CCNJL: variants seen among roughly 807,000 people sequenced by gnomAD.
The protein encoded by CCNJL is cyclin-J-like protein.
In CCNJL, 33 loss-of-function variants were observed where a neutral mutation model predicts 33.4. The ratio of observed to expected loss-of-function variants is 0.99; its 90% confidence interval spans 0.75 to 1.32. The LOEUF (loss-of-function observed/expected upper bound fraction) is 1.32, where lower values mean the gene tolerates loss of function less well. Ranked by LOEUF, CCNJL falls within the 40% of genes most tolerant of loss-of-function variation. CCNJL has a pLI of 0.00. For synonymous variants in CCNJL, 227 were observed against 220.9 expected, an observed-to-expected ratio of 1.03 and a Z score of -0.24; for missense variants, 512 against 499.7, an observed-to-expected ratio of 1.02 and a Z score of -0.23.
intron 3 of CCNJL, among the ~76,000 whole-genome samples, chr5:160,267,658 A>C (rs1055796558): frequency 6.6e-6 from 1 of 152,180 alleles, no homozygotes; most frequent in Non-Finnish European, 1.5e-5. Context: ...GTGTCAGGCT[A>C]GTTTCAGCTT....
intron 2 of CCNJL, among the ~76,000 whole-genome samples, chr5:160,292,811 T>A (rs1470743504): frequency 6.6e-6 from 1 of 152,198 alleles, no homozygotes; most frequent in African/African-American, 2.4e-5. Flanking sequence ...CCACAAAGAT[T>A]GGAAGCTTCA....
At position 160,255,573 on chromosome 5, in the gene CCNJL, C is replaced by T. The variant is rs1761024497; in HGVS notation, c.719G>A (p.Ser240Asn). 1 of 1,614,060 alleles carries T rather than the reference C, an allele frequency of 6.2e-7. No homozygotes were observed. Among genetic ancestry groups the T allele is most frequent in the Non-Finnish European group, 8.5e-7 (1 of 1,180,008 alleles). Residue 240 changes from serine to asparagine, a missense_variant, in exon 5 of 6, where the codon AGC (serine) becomes AAC (asparagine). Ser to Asn is a conservative substitution (Grantham distance 46). Transcript: ENST00000257536. ...RISSYSLEHL[S>N]TCIEILLVVY... ...CACCAGCAGGATTTCAATACACGTG[C>T]TGAGGTGCTCCAGGGAATAGCTTGA...
chr5:160,326,712 GC>G, intron 1 of CCNJL: 1 of 915,786 alleles, frequency 1.1e-6, no homozygotes. Context: ...CATGGCCAGG[GC>G]CAGAAAGTGC....
At chr5:160,320,829 CT>C (rs374598149) in intron 1 of CCNJL, among the ~76,000 whole-genome samples, 1 of 119,642 alleles carries the variant, frequency 8.4e-6, no homozygotes, top group Non-Finnish European at 1.8e-5. Flanking sequence ...TTCTTTCTTT[CT>C]TTCTTTCTTT....
At chr5:160,332,723 AG>A (rs1389781411) in intron 1 of CCNJL, among the ~76,000 whole-genome samples, 1 of 151,574 alleles carries the variant, frequency 6.6e-6, no homozygotes, top group African/African-American at 2.4e-5. Flanking sequence ...TCATCTTAGC[AG>A]GGGGGCTTTT....
At chr5:160,309,504 T>C (rs916401327) in intron 2 of CCNJL, among the ~76,000 whole-genome samples, 10 of 152,200 alleles carry the variant, frequency 6.6e-5, no homozygotes, top group African/African-American at 2.4e-4. Context: ...TGTGCCACGC[T>C]CTTGTAAAGT....
rs370825602 is a variant in CCNJL, at chr5:160,294,551, A to G, written c.67-13813T>C. Among the ~76,000 whole-genome samples, 3 of 152,338 alleles carry G rather than the reference A, an allele frequency of 2.0e-5. No homozygotes were observed. The South Asian group carries it at 6.2e-4, about 32-fold the overall frequency. ...CAGGCCCAGCCACAGCTGCCAGGGC[A>G]TCCACAGTGACCACACACATGCGTG... On this transcript the variant is annotated intron_variant, in intron 2 of 5. Coordinates refer to ENST00000257536, the MANE Select transcript of CCNJL (RefSeq NM_001308173.3).
At chr5:160,271,146 T>C (rs1477417097) in intron 3 of CCNJL, among the ~76,000 whole-genome samples, 2 of 152,202 alleles carry the variant, frequency 1.3e-5, no homozygotes, top group Admixed American at 6.5e-5. Context: ...CACCAAGGGA[T>C]AGAATAGGCC....
At chr5:160,314,452 A>G (rs1308199059), upstream of CCNJL, among the ~76,000 whole-genome samples, 2 of 152,246 alleles carry the variant, frequency 1.3e-5, no homozygotes, top group South Asian at 4.1e-4. Flanking sequence ...AATATCACCA[A>G]AATAAATATA....
intron 2 of CCNJL, among the ~76,000 whole-genome samples, chr5:160,299,817 A>C (rs563856165): frequency 1.7e-4 from 25 of 150,874 alleles, no homozygotes; most frequent in African/African-American, 5.4e-4. Context: ...AAGAGTCGGA[A>C]GTGCTCTGAA....
intron 1 of CCNJL, among the ~76,000 whole-genome samples, chr5:160,333,124 A>ATTTTTTTTT (rs1013125021): frequency 2.1e-5 from 3 of 143,372 alleles, no homozygotes; most frequent in African/African-American, 7.7e-5. Flanking sequence ...GTCTCTACAA[A>ATTTTTTTTT]TTTTTTTTTT....
intron 3 of CCNJL, among the ~76,000 whole-genome samples, chr5:160,274,450 C>A (rs1455855360): frequency 6.6e-6 from 1 of 151,846 alleles, no homozygotes; most frequent in Non-Finnish European, 1.5e-5. Flanking sequence ...CAGAGTGAGA[C>A]CTCGTCTCAA....
At chr5:160,300,904 C>G (rs555202640) in intron 2 of CCNJL, among the ~76,000 whole-genome samples, 9 of 152,174 alleles carry the variant, frequency 5.9e-5, no homozygotes, top group Non-Finnish European at 1.0e-4. Context: ...GGGTAATATC[C>G]AGGGTTAGCA....
At chr5:160,325,903 A>G (rs1035374601) in intron 1 of CCNJL, among the ~76,000 whole-genome samples, 4 of 152,292 alleles carry the variant, frequency 2.6e-5, no homozygotes, top group Admixed American at 2.6e-4. Context: ...ATATATTCAC[A>G]GTGGATGCTT....
intron 2 of CCNJL, among the ~76,000 whole-genome samples, chr5:160,294,192 G>T (rs749561533): frequency 6.6e-6 from 1 of 152,208 alleles, no homozygotes; most frequent in African/African-American, 2.4e-5. Context: ...GCCCAGCAAG[G>T]CAGGAGGCTC....
intron 2 of CCNJL, among the ~76,000 whole-genome samples, chr5:160,291,492 A>G (rs372553363): frequency 2.0e-5 from 3 of 152,176 alleles, no homozygotes; most frequent in East Asian, 1.9e-4. Context: ...TCCACAGGAC[A>G]CTCCTCCTGC....
At chr5:160,313,067 G>A (rs1763329311), upstream of CCNJL, 2 of 151,972 alleles carry the variant, frequency 1.3e-5, 1 homozygote, top group African/African-American at 4.8e-5. Flanking sequence ...GTTCACCCAC[G>A]AGTCCCTAAT....
intron 2 of CCNJL, among the ~76,000 whole-genome samples, chr5:160,311,533 A>G (rs910189125): frequency 1.3e-5 from 2 of 152,234 alleles, no homozygotes; most frequent in Non-Finnish European, 2.9e-5. Flanking sequence ...TATTTTTTAA[A>G]GACCCCTTCA....
intron 1 of CCNJL, among the ~76,000 whole-genome samples, chr5:160,331,686 C>T (rs1763610362): frequency 6.6e-6 from 1 of 152,190 alleles, no homozygotes. Context: ...AACCTTCAAC[C>T]CAGGTTCAAT....
Sources: gnomAD v4.1 joint callset for allele counts (sites outside exome capture counted in the v4.1 genomes callset) on GRCh38, gnomAD v4.1.1 for gene constraint, MANE v1.5 for transcripts, NCBI Gene and HGNC (gene_info 2026-07-23, HGNC 2026-07-21) for gene names.